Variants in PCDH7 observed in about 807,000 individuals in gnomAD.
PCDH7 encodes the protein protocadherin-7.
A neutral mutation model predicts 58.9 loss-of-function variants in PCDH7; 17 were observed. That is an observed-to-expected ratio of 0.29 (90% CI 0.20 to 0.43). PCDH7 has a LOEUF of 0.43. Among genes scored for constraint, PCDH7 ranks in the 20% least tolerant of loss-of-function variants. The pLI, the probability that PCDH7 is intolerant of heterozygous loss-of-function variation, is 1.00. For missense variants in PCDH7, 1,274 were observed against 1,441.0 expected, an observed-to-expected ratio of 0.88 and a Z score of 1.88; for synonymous variants, 664 against 616.4, an observed-to-expected ratio of 1.08 and a Z score of -1.14.
chr4:30,823,735 G>A (rs570326449), intron 1 of PCDH7, among the ~76,000 whole-genome samples: 1 of 152,198 alleles, frequency 6.6e-6, no homozygotes, highest in South Asian at 2.1e-4. Flanking sequence ...GGTTAGATTA[G>A]TAGAAAGGCT....
chr4:30,916,885 A>G (rs1470274777), intron 1 of PCDH7, among the ~76,000 whole-genome samples: 1 of 152,074 alleles, frequency 6.6e-6, no homozygotes, highest in African/African-American at 2.4e-5. Context: ...ATGCTGATTC[A>G]CTGGGTTTAA....
At chr4:31,019,671 G>A (rs1160835059) in intron 3 of PCDH7, among the ~76,000 whole-genome samples, 1 of 150,528 alleles carries the variant, frequency 6.6e-6, no homozygotes, top group African/African-American at 2.4e-5. Context: ...CCTGGGGACA[G>A]AGCGAGACTC....
intron 1 of PCDH7, among the ~76,000 whole-genome samples, chr4:30,799,160 T>C (rs1465296869): frequency 6.6e-6 from 1 of 152,208 alleles, no homozygotes; most frequent in African/African-American, 2.4e-5. Context: ...GATACTCTAC[T>C]AGACTAGATG....
intron 3 of PCDH7, among the ~76,000 whole-genome samples, chr4:31,050,505 C>T (rs919813780): frequency 4.8e-4 from 73 of 152,168 alleles, no homozygotes; most frequent in African/African-American, 1.7e-3. Flanking sequence ...AGAGACTTTT[C>T]GGTTGTAAAA....
At chr4:31,105,857 AT>A (rs1715488696) in intron 3 of PCDH7, among the ~76,000 whole-genome samples, 1 of 151,992 alleles carries the variant, frequency 6.6e-6, no homozygotes, top group African/African-American at 2.4e-5. Flanking sequence ...AATACAAAAA[AT>A]TAGCTGGGCA....
chr4:30,871,824 G>A (rs565758700), intron 1 of PCDH7, among the ~76,000 whole-genome samples: 6 of 151,984 alleles, frequency 3.9e-5, no homozygotes, highest in African/African-American at 9.7e-5. Context: ...AGCAACCTTC[G>A]TCACCCCATC....
intron 1 of PCDH7, among the ~76,000 whole-genome samples, chr4:30,907,135 G>T (rs1741047533): frequency 6.6e-6 from 1 of 152,154 alleles, no homozygotes. Context: ...TCAAGCTGAT[G>T]ACCTGTCTAT....
In PCDH7 at chr4:31,088,715, T is replaced by A. The variant is rs187261664; in HGVS notation, c.*8-53758T>A. 5.7e-3 allele frequency among the ~76,000 whole-genome samples: 869 copies of A among 152,138 alleles called. 6 individuals are homozygous for A. Among genetic ancestry groups the A allele is most frequent in the African/African-American group, 0.02 (827 of 41,566 alleles). ...TTTTAAAAGAGTGTATTTGTTTTTT[T>A]AAAAATGTCAAACAAGTGCATCTGC... On this transcript the variant is annotated intron_variant, in intron 3 of 3. Transcript: ENST00000509759.
At position 31,079,857 on chromosome 4, in the gene PCDH7, C is replaced by A. The variant is rs2109266808; in HGVS notation, c.*8-62616C>A. 2.0e-5 allele frequency among the ~76,000 whole-genome samples: 3 copies of A among 151,686 alleles called. No homozygotes were observed. The South Asian group carries it at 6.3e-4, about 32-fold the overall frequency. Reference sequence around the variant, plus strand: ...AATTCTGCAGATAAATCAAAATGAGCAAACTAGAAATAGAGGATCATATGG... The same window carrying A: ...AATTCTGCAGATAAATCAAAATGAGAAAACTAGAAATAGAGGATCATATGG... On this transcript the variant is annotated intron_variant, in intron 3 of 3. Coordinates refer to the PCDH7 transcript ENST00000509759.
chr4:31,033,699 AATCCT>A, intron 3 of PCDH7, among the ~76,000 whole-genome samples: 1 of 152,134 alleles, frequency 6.6e-6, no homozygotes, highest in African/African-American at 2.4e-5. Context: ...TTCTCCATCC[AATCCT>A]TTAACTCCCA....
exon 2 of PCDH7, chr4:30,920,227 T>C (rs536910168): frequency 7.3e-7 from 1 of 1,367,790 alleles, no homozygotes; most frequent in East Asian, 4.6e-5. Context: ...AGAGTTGCTA[T>C]GACAGCGGGC....
At chr4:30,896,372 C>T (rs924106423) in intron 1 of PCDH7, among the ~76,000 whole-genome samples, 2 of 152,162 alleles carry the variant, frequency 1.3e-5, no homozygotes, top group Non-Finnish European at 2.9e-5. Flanking sequence ...CAATGCTGAA[C>T]TGGCTCTCAG....
chr4:30,824,690 T>C (rs965991028), intron 1 of PCDH7, among the ~76,000 whole-genome samples: 4 of 151,944 alleles, frequency 2.6e-5, no homozygotes, highest in Admixed American at 2.6e-4. Flanking sequence ...ATGAAAGGGA[T>C]TTTGGATTGT....
intron 1 of PCDH7, among the ~76,000 whole-genome samples, chr4:30,762,268 CCT>C (rs1334468534): frequency 6.6e-6 from 1 of 151,770 alleles, no homozygotes; most frequent in East Asian, 1.9e-4. Flanking sequence ...CATTTTTTCC[CCT>C]GAGGCAATAG....
chr4:31,124,801 A>G (rs192322196), intron 3 of PCDH7, among the ~76,000 whole-genome samples: 138 of 152,362 alleles, frequency 9.1e-4, no homozygotes, highest in Non-Finnish European at 1.2e-3. Context: ...TGTGATTAAT[A>G]TATCCTACAT....
Position 30,722,278 on chromosome 4 carries a change from C to A in PCDH7, c.856C>A (p.Pro286Thr). ...CCTGCGAGTGCGCGACGGCGGCGACCCGCCTCGCTCCTCGCAGGCCATCCT... is the reference window on the plus strand; with the variant it reads ...CCTGCGAGTGCGCGACGGCGGCGACACGCCTCGCTCCTCGCAGGCCATCCT... Residue 286 changes from proline to threonine, a missense_variant, in exon 1 of 2, where the codon CCG (proline) becomes ACG (threonine). By Grantham distance (38) the Pro-to-Thr change is conservative. This residue lies in a region of PCDH7 where 331 missense variants were observed against 303.2 expected (regional missense o/e 1.09). Coordinates refer to ENST00000361762, the Ensembl canonical transcript of PCDH7. This position sits in a 1 kb window ranked among gnomAD's most constrained non-coding sequence, Gnocchi z 7.6. 6.2e-7 allele frequency: 1 copy of A among 1,601,550 alleles called. No homozygotes were observed. Among genetic ancestry groups the A allele is most frequent in the Non-Finnish European group, 8.5e-7 (1 of 1,175,154 alleles).
chr4:30,960,526 A>T (rs1042392244), intron 3 of PCDH7, among the ~76,000 whole-genome samples: 8 of 152,234 alleles, frequency 5.3e-5, no homozygotes. Context: ...TAGTCACAAT[A>T]ATCATGGAAA....
intron 3 of PCDH7, among the ~76,000 whole-genome samples, chr4:31,052,185 A>G (rs1023824771): frequency 5.3e-5 from 8 of 152,236 alleles, no homozygotes; most frequent in Admixed American, 4.6e-4. Context: ...GAAATGATTT[A>G]TCATGCCTGT....
At chr4:30,727,030 A>G (rs887335264) in intron 1 of PCDH7, among the ~76,000 whole-genome samples, 1 of 151,948 alleles carries the variant, frequency 6.6e-6, no homozygotes, top group East Asian at 1.9e-4. Flanking sequence ...CTGATGTTAT[A>G]AAAGAAAAAA....
Sources: allele counts gnomAD v4.1 joint callset (sites outside exome capture counted in the v4.1 genomes callset), GRCh38; gene constraint gnomAD v4.1.1; regional missense constraint gnomAD v4.1.1; non-coding constraint Gnocchi (gnomAD v3.1); transcripts MANE v1.5; gene names NCBI Gene and HGNC (gene_info 2026-07-23, HGNC 2026-07-21).